Variants in TRIM35 observed in about 807,000 individuals in gnomAD.
TRIM35 encodes E3 ubiquitin-protein ligase TRIM35.
TRIM35 carries 37 observed loss-of-function variants against 49.1 expected under a neutral mutation model. That is an observed-to-expected ratio of 0.75 (90% confidence interval 0.58 to 0.99). The LOEUF (loss-of-function observed/expected upper bound fraction) is 0.99. TRIM35 is among the 50% of genes least tolerant of loss of function. The probability of loss-of-function intolerance (pLI) is 0.00; values close to 1 mark genes in which losing one functional copy is unlikely to be tolerated. For missense variants in TRIM35, 648 were observed against 702.7 expected (o/e 0.92, Z 0.88); for synonymous variants, 302 against 289.3 (o/e 1.04, Z -0.45).
Position 27,311,213 on chromosome 8 carries a change from G to A in TRIM35, c.23C>T (p.Ser8Phe), listed in dbSNP as rs772787780. The part of the protein sequence containing the change: MERSPDV[S>F]PGPSRSFKEE... ...CTTGAAGGAGCGGGAAGGCCCGGGG[G>A]ACACGTCGGGACTCCGCTCCATGGC... The change falls in exon 1 of 6, where the codon TCC becomes TTC. Residue 8 changes from serine to phenylalanine, a missense_variant. Ser to Phe is a radical substitution (Grantham distance 155). Coordinates refer to ENST00000305364, the MANE Select transcript of TRIM35 (RefSeq NM_171982.5). 4 of 1,570,948 alleles carry A rather than the reference G, an allele frequency of 2.5e-6. No homozygotes were observed. Among genetic ancestry groups the A allele is most frequent in the South Asian group, 1.2e-5 (1 of 85,946 alleles).
chr8:27,302,182 T>C (rs1356017961), intron 1 of TRIM35, among the ~76,000 whole-genome samples: 3 of 152,212 alleles, frequency 2.0e-5, no homozygotes, highest in African/African-American at 4.8e-5. Flanking sequence ...AAAATAATCA[T>C]GTTGAGATTT....
At chr8:27,304,928 T>C (rs1434554816) in intron 1 of TRIM35, 2 of 394,442 alleles carry the variant, frequency 5.1e-6, no homozygotes, top group African/African-American at 4.2e-5. Context: ...CGATTTGTTT[T>C]CAGGCAGATT....
At chr8:27,288,168 G>T in intron 5 of TRIM35, 41 bp from the exon 6 acceptor site, 1 of 1,558,272 alleles carries the variant, frequency 6.4e-7, no homozygotes, top group Middle Eastern at 1.7e-4. Flanking sequence ...CAAACCTGAG[G>T]TCCCTTAGGC....
rs1290779617 is a variant in TRIM35 at position 27,287,027 on chromosome 8, T to C, written c.*523A>G. 6.5e-6 allele frequency: 1 copy of C among 154,208 alleles called. No individual in the cohort carries two copies. Among genetic ancestry groups the C allele is most frequent in the African/African-American group, 2.4e-5 (1 of 41,424 alleles). 9.6% of individuals were successfully genotyped at this position (154,208 alleles called of 1,614,324 possible). A position where few individuals can be genotyped will look rare whatever the true frequency, so the allele number is the denominator to read the frequency against. ...CTACCCTTAAACCTGTCTCCCCTGCTTACTCTGCCTTGCCCATTTCCTCCT... is the reference window on the plus strand; with the variant it reads ...CTACCCTTAAACCTGTCTCCCCTGCCTACTCTGCCTTGCCCATTTCCTCCT... On this transcript the variant is annotated 3_prime_UTR_variant, in exon 6 of 6. Coordinates refer to ENST00000305364, the MANE Select transcript of TRIM35 (RefSeq NM_171982.5). This position sits in a 1 kb window ranked among gnomAD's most constrained non-coding sequence, Gnocchi z 6.0.
intron 1 of TRIM35, among the ~76,000 whole-genome samples, chr8:27,302,490 G>C (rs1237736487): frequency 6.6e-6 from 1 of 152,050 alleles, no homozygotes; most frequent in African/African-American, 2.4e-5. Flanking sequence ...GCTCACTGCA[G>C]CCTCCTGTGC....
chr8:27,294,403 T>C, intron 2 of TRIM35, 93 bp from the exon 3 acceptor site: 1 of 1,220,162 alleles, frequency 8.2e-7, no homozygotes, highest in East Asian at 2.5e-5. Flanking sequence ...GAAATTTATG[T>C]TCAAATAAAT....
intron 1 of TRIM35, among the ~76,000 whole-genome samples, chr8:27,298,810 T>C (rs1453741432): frequency 6.6e-6 from 1 of 152,136 alleles, no homozygotes; most frequent in African/African-American, 2.4e-5. Flanking sequence ...GACTGGGAGA[T>C]GGGGCTGAGA....
chr8:27,299,746 T>C (rs778110761), intron 1 of TRIM35, among the ~76,000 whole-genome samples: 3 of 152,220 alleles, frequency 2.0e-5, no homozygotes, highest in Non-Finnish European at 2.9e-5. Flanking sequence ...ATGACAAATC[T>C]GGACTTTGGG....
intron 3 of TRIM35, among the ~76,000 whole-genome samples, chr8:27,293,869 G>C (rs1037521146): frequency 1.3e-5 from 2 of 151,942 alleles, no homozygotes; most frequent in African/African-American, 4.8e-5. Flanking sequence ...AAAGAAGAGC[G>C]AGGAAGAAAT....
Position 27,287,521 on chromosome 8 carries a change from G to A in TRIM35, c.*29C>T. 2.0e-6 allele frequency: 3 copies of A among 1,516,706 alleles called. No individual in the cohort carries two copies. The highest frequency in any genetic ancestry group is 2.7e-6 in the Non-Finnish European group (3 of 1,129,880). The allele number at this position is 1,516,706 out of a possible 1,614,324, so 94.0% of individuals were successfully genotyped here. A position where few individuals can be genotyped will look rare whatever the true frequency, so the allele number is the denominator to read the frequency against. On this transcript the variant is annotated 3_prime_UTR_variant, in exon 6 of 6. Transcript: ENST00000305364. This position sits in a 1 kb window ranked among gnomAD's most constrained non-coding sequence, Gnocchi z 6.0. The stretch of plus-strand genomic sequence containing the variant: ...AGGGCAGAAAGAAAACAGTGCTGTG[G>A]CACAAGACCGGGGCAGCCCCGGGCC...
At chr8:27,300,507 G>A (rs1045176204) in intron 1 of TRIM35, among the ~76,000 whole-genome samples, 1 of 151,976 alleles carries the variant, frequency 6.6e-6, no homozygotes, top group African/African-American at 2.4e-5. Flanking sequence ...CTGACCCAAA[G>A]AAACTCAAAG....
chr8:27,293,385 AAG>A (rs964348067), intron 3 of TRIM35, among the ~76,000 whole-genome samples: 21 of 152,188 alleles, frequency 1.4e-4, no homozygotes, highest in African/African-American at 4.6e-4. Flanking sequence ...TGTTTTTTTA[AAG>A]AGAGAATGGA....
At position 27,286,383 on chromosome 8, in the gene TRIM35, C is replaced by A; in HGVS notation, c.*1167G>T. The A allele has an allele frequency of 6.0e-6, 2 of 332,842 alleles. No homozygotes were observed. The highest frequency in any genetic ancestry group is 4.8e-5 in the South Asian group (2 of 41,964). 20.6% of individuals were successfully genotyped at this position (332,842 alleles called of 1,614,324 possible). Reference sequence around the variant, plus strand: ...CCCTCTCCCACAGCGTTTAGGGCCACGTCCATGGCGCCACCCCTCTCCTTT... The same window carrying A: ...CCCTCTCCCACAGCGTTTAGGGCCAAGTCCATGGCGCCACCCCTCTCCTTT... On this transcript the variant is annotated 3_prime_UTR_variant, in exon 6 of 6. Coordinates refer to ENST00000305364, the MANE Select transcript of TRIM35 (RefSeq NM_171982.5).
chr8:27,311,114 C>A lies in TRIM35; in HGVS notation c.122G>T (p.Cys41Phe). 2.5e-6 allele frequency: 4 copies of A among 1,600,516 alleles called. No homozygotes were observed. Among genetic ancestry groups the A allele is most frequent in the Non-Finnish European group, 3.4e-6 (4 of 1,174,782 alleles). Residue 41 changes from cysteine (C) to phenylalanine (F), a missense_variant, in exon 1 of 6, where the codon TGC (cysteine) becomes TTC (phenylalanine). Physicochemically the swap from Cys to Phe is radical, Grantham distance 205 (BLOSUM62 -2). Transcript: ENST00000305364. ...CCAGCAGCGGCTCACGCACCCGCGG[C>A]AGAAGTTGTGGCCGCAGCGCAGAGT... ...AVTLRCGHNF[C>F]RGCVSRCWEV...
In TRIM35 at chr8:27,286,244, A is replaced by G. The variant is rs1802316541; in HGVS notation, c.*1306T>C. The G allele has an allele frequency of 2.2e-6, 1 of 449,892 alleles. No homozygotes were observed. The highest frequency in any genetic ancestry group is 2.4e-5 in the Admixed American group (1 of 41,848). 27.9% of individuals were successfully genotyped at this position (449,892 alleles called of 1,614,324 possible). Reference sequence around the variant, plus strand: ...GCGAGAAAAAACAAGCCCAGGGAAAAGTCTGCAGGCATGGTGGAGGAAGAA... The same window carrying G: ...GCGAGAAAAAACAAGCCCAGGGAAAGGTCTGCAGGCATGGTGGAGGAAGAA... On this transcript the variant is annotated 3_prime_UTR_variant, in exon 6 of 6. Coordinates refer to ENST00000305364, the MANE Select transcript of TRIM35 (RefSeq NM_171982.5).
intron 2 of TRIM35, among the ~76,000 whole-genome samples, chr8:27,295,060 G>A (rs1330653014): frequency 1.3e-5 from 2 of 152,148 alleles, no homozygotes; most frequent in African/African-American, 4.8e-5. Context: ...CTGACTTAAG[G>A]TGATCTGCCC....
At chr8:27,302,580 T>C (rs1387521341) in intron 1 of TRIM35, among the ~76,000 whole-genome samples, 6 of 152,228 alleles carry the variant, frequency 3.9e-5, no homozygotes, top group Admixed American at 2.0e-4. Context: ...CTAATTTGTT[T>C]TAACTTTTTG....
In TRIM35 at chr8:27,293,355, GA is replaced by G. The variant is rs1391478753; in HGVS notation, c.762+724del. 3.4e-5 allele frequency among the ~76,000 whole-genome samples: 5 copies of G among 147,778 alleles called. No individual in the cohort carries two copies. The East Asian group carries it at 5.9e-4, about 17-fold the overall frequency. On this transcript the variant is annotated intron_variant, in intron 3 of 5. Transcript: ENST00000305364. ...TGGGGAGGAAATAAATCAATAAAAGGAAAAAAAAATGAATAATACTGTTTTT... is the reference window on the plus strand; with the variant it reads ...TGGGGAGGAAATAAATCAATAAAAGGAAAAAAAATGAATAATACTGTTTTT...
In TRIM35 at chr8:27,311,218, G is replaced by A. The variant is rs762551853; in HGVS notation, c.18C>T (p.Asp6=). 6 of 1,569,534 alleles carry A rather than the reference G, an allele frequency of 3.8e-6. No individual in the cohort carries two copies. The highest frequency in any genetic ancestry group is 1.2e-5 in the South Asian group (1 of 85,608). MERSP[D]VSPGPSRSFK... ...AGGAGCGGGAAGGCCCGGGGGACAC[G>A]TCGGGACTCCGCTCCATGGCACGAG... is the stretch of plus-strand genomic sequence containing the variant. Residue 6 remains aspartate, a synonymous_variant, in exon 1 of 6, where the codon GAC becomes GAT. Transcript: ENST00000305364.
Sources: allele counts gnomAD v4.1 joint callset (sites outside exome capture counted in the v4.1 genomes callset), GRCh38; gene constraint gnomAD v4.1.1; non-coding constraint Gnocchi (gnomAD v3.1); transcripts MANE v1.5; gene names NCBI Gene and HGNC (gene_info 2026-07-23, HGNC 2026-07-21).